NCKAP5: variants seen among roughly 807,000 people sequenced by gnomAD.
NCKAP5 encodes NCK associated protein 5.
Under a neutral mutation model 167.0 loss-of-function variants are expected in NCKAP5, and 92 were observed. The observed-to-expected ratio is 0.55, with a 90% CI of 0.47 to 0.66. The LOEUF (loss-of-function observed/expected upper bound fraction) is 0.66. Among genes scored for constraint, NCKAP5 ranks in the 30% least tolerant of loss-of-function variants. The pLI, the probability that NCKAP5 is intolerant of heterozygous loss-of-function variation, is 0.00. For synonymous variants in NCKAP5, 891 were observed against 877.4 expected (o/e 1.02, Z -0.27); for missense variants, 2,378 against 2,315.0 (o/e 1.03, Z -0.56).
intron 6 of NCKAP5, among the ~76,000 whole-genome samples, chr2:133,079,567 C>T (rs1470513126): frequency 6.6e-6 from 1 of 152,032 alleles, no homozygotes; most frequent in Non-Finnish European, 1.5e-5. Context: ...AGTAATTTTG[C>T]ATAATTAAAA....
At chr2:133,465,871 G>T (rs377504253) in intron 3 of NCKAP5, among the ~76,000 whole-genome samples, 5 of 144,036 alleles carry the variant, frequency 3.5e-5, no homozygotes, top group East Asian at 2.2e-4. Flanking sequence ...TTTTTTTCTT[G>T]TAAATTTGTT....
chr2:133,286,188 C>A (rs112880780), intron 4 of NCKAP5, among the ~76,000 whole-genome samples: 1 of 151,854 alleles, frequency 6.6e-6, no homozygotes, highest in Admixed American at 6.6e-5. Flanking sequence ...TTAGTAGAGA[C>A]GGGGTTTCAC....
At chr2:132,963,906 C>T (rs2076589313) in intron 7 of NCKAP5, 37 bp from the exon 8 acceptor site, 1 of 1,608,346 alleles carries the variant, frequency 6.2e-7, no homozygotes, top group African/African-American at 1.3e-5. Flanking sequence ...CAATAATCTC[C>T]AGTGAAAAAT....
intron 4 of NCKAP5, among the ~76,000 whole-genome samples, chr2:133,272,540 G>A (rs1481111212): frequency 6.6e-6 from 1 of 152,064 alleles, no homozygotes; most frequent in East Asian, 1.9e-4. Context: ...GATTGAATCA[G>A]TAGTTGAAAA....
At chr2:133,413,657 T>TA (rs919321984) in intron 3 of NCKAP5, among the ~76,000 whole-genome samples, 6 of 152,092 alleles carry the variant, frequency 3.9e-5, no homozygotes, top group Non-Finnish European at 7.4e-5. Context: ...TCACATTTTT[T>TA]AAAAAACCTC....
chr2:132,922,231 G>A (rs150411781), intron 8 of NCKAP5, among the ~76,000 whole-genome samples: 181 of 152,232 alleles, frequency 1.2e-3, no homozygotes, highest in African/African-American at 3.9e-3. Context: ...AGTATTCTAG[G>A]AGGAGGGAAT....
intron 5 of NCKAP5, among the ~76,000 whole-genome samples, chr2:133,135,105 A>C (rs1342625769): frequency 2.6e-5 from 4 of 152,254 alleles, no homozygotes. Context: ...CGCTAAATAA[A>C]CATCACACAG....
At chr2:133,362,815 G>A (rs944142740) in intron 3 of NCKAP5, among the ~76,000 whole-genome samples, 5 of 152,094 alleles carry the variant, frequency 3.3e-5, no homozygotes, top group South Asian at 2.1e-4. Flanking sequence ...GTGCAGTGGC[G>A]TGATCTCAGC....
At chr2:133,624,467 T>C in the NCKAP5 span, among the ~76,000 whole-genome samples, 2 of 151,888 alleles carry the variant, frequency 1.3e-5, no homozygotes, top group South Asian at 2.1e-4. Context: ...AGCTGCAGGC[T>C]CTTAGAGTAA....
chr2:133,343,173 C>T (rs557034707), intron 3 of NCKAP5, among the ~76,000 whole-genome samples: 58 of 152,266 alleles, frequency 3.8e-4, no homozygotes, highest in African/African-American at 1.4e-3. Context: ...CTAGGCAGTG[C>T]TCATAAGGGA....
the NCKAP5 span, among the ~76,000 whole-genome samples, chr2:133,674,010 T>A: frequency 6.6e-6 from 1 of 152,188 alleles, no homozygotes; most frequent in Non-Finnish European, 1.5e-5. Flanking sequence ...GATAGGTGTC[T>A]GAGTATGATC....
At chr2:133,608,110 G>C in the NCKAP5 span, among the ~76,000 whole-genome samples, 1 of 152,082 alleles carries the variant, frequency 6.6e-6, no homozygotes, top group Non-Finnish European at 1.5e-5. Flanking sequence ...AGATAGAGTT[G>C]TTTATTCTAT....
intron 8 of NCKAP5, among the ~76,000 whole-genome samples, chr2:132,959,116 A>G (rs138406921): frequency 3.0e-4 from 45 of 148,544 alleles, no homozygotes; most frequent in African/African-American, 1.1e-3. Context: ...ATATTAATAT[A>G]TATCTATCGA....
chr2:132,848,649 G>A (rs1688850603), intron 11 of NCKAP5, among the ~76,000 whole-genome samples: 1 of 152,042 alleles, frequency 6.6e-6, no homozygotes. Context: ...TATTTGGGAG[G>A]GAAAAGCAAT....
At chr2:132,953,238 C>A (rs1375906159) in intron 8 of NCKAP5, among the ~76,000 whole-genome samples, 1 of 152,180 alleles carries the variant, frequency 6.6e-6, no homozygotes, top group African/African-American at 2.4e-5. Context: ...CTCCTTGAGG[C>A]TGTTTCAGGC....
At chr2:133,341,799 G>A (rs1034103391) in intron 3 of NCKAP5, among the ~76,000 whole-genome samples, 3 of 152,154 alleles carry the variant, frequency 2.0e-5, no homozygotes, top group Admixed American at 2.0e-4. Context: ...CTGGGACAGA[G>A]CCTGGACTTT....
At chr2:133,627,655 G>A in the NCKAP5 span, among the ~76,000 whole-genome samples, 5 of 151,964 alleles carry the variant, frequency 3.3e-5, no homozygotes, top group African/African-American at 9.7e-5. Context: ...CATCTGTAGT[G>A]TGCGCTCTCT....
the NCKAP5 span, among the ~76,000 whole-genome samples, chr2:133,672,766 G>A: frequency 6.6e-6 from 1 of 152,190 alleles, no homozygotes; most frequent in Non-Finnish European, 1.5e-5. Flanking sequence ...ATTTGGGCCT[G>A]TGATCTGTAG....
At chr2:133,098,033 A>T (rs1210961271) in intron 6 of NCKAP5, among the ~76,000 whole-genome samples, 1 of 152,240 alleles carries the variant, frequency 6.6e-6, no homozygotes, top group Non-Finnish European at 1.5e-5. Flanking sequence ...CAAAAGTTGC[A>T]TATGTTTAGA....
Sources: allele counts gnomAD v4.1 joint callset (sites outside exome capture counted in the v4.1 genomes callset), GRCh38; gene constraint gnomAD v4.1.1; transcripts MANE v1.5; gene names NCBI Gene and HGNC (gene_info 2026-07-23, HGNC 2026-07-21).